Variants in SLC38A12 observed in about 807,000 individuals in gnomAD.
SLC38A12 encodes the protein putative sodium-coupled neutral amino acid transporter 12.
the SLC38A12 span, among the ~76,000 whole-genome samples, chr17:74,778,091 A>C: frequency 6.6e-6 from 1 of 152,238 alleles, no homozygotes; most frequent in South Asian, 2.1e-4. Flanking sequence ...TGGATGGCGT[A>C]AGAAGCAGCG....
At chr17:74,806,276 G>A in the SLC38A12 span, among the ~76,000 whole-genome samples, 3 of 152,148 alleles carry the variant, frequency 2.0e-5, no homozygotes, top group African/African-American at 7.2e-5. Flanking sequence ...CAGCAGTTAT[G>A]TGGCCAAGCA....
At chr17:74,831,206 G>A in the SLC38A12 span, among the ~76,000 whole-genome samples, 1 of 152,194 alleles carries the variant, frequency 6.6e-6, no homozygotes, top group African/African-American at 2.4e-5. Flanking sequence ...CAGCTAGTGT[G>A]CCTGATAACC....
the SLC38A12 span, among the ~76,000 whole-genome samples, chr17:74,780,237 A>G: frequency 6.6e-6 from 1 of 152,102 alleles, no homozygotes; most frequent in East Asian, 1.9e-4. Context: ...TCCTTTGACA[A>G]TTGTCAGAGG....
At chr17:74,802,615 T>C in the SLC38A12 span, among the ~76,000 whole-genome samples, 2 of 152,222 alleles carry the variant, frequency 1.3e-5, no homozygotes, top group East Asian at 1.9e-4. Context: ...CGTTTCTGAT[T>C]TCAGATTTTC....
the SLC38A12 span, among the ~76,000 whole-genome samples, chr17:74,790,623 A>G: frequency 6.6e-6 from 1 of 151,894 alleles, no homozygotes; most frequent in East Asian, 1.9e-4. Flanking sequence ...GCTCAAGTAG[A>G]TGTCGTTCTG....
chr17:74,788,885 C>T, the SLC38A12 span: 2 of 1,609,904 alleles, frequency 1.2e-6, no homozygotes, highest in Non-Finnish European at 1.7e-6. Flanking sequence ...GTGTGTTGCC[C>T]TCGTCTCCGG....
the SLC38A12 span, among the ~76,000 whole-genome samples, chr17:74,798,842 A>T: frequency 2.6e-5 from 4 of 151,738 alleles, no homozygotes; most frequent in African/African-American, 9.7e-5. Flanking sequence ...GCTAGGGAAC[A>T]TCTCAGGATT....
At chr17:74,824,505 A>G in the SLC38A12 span, among the ~76,000 whole-genome samples, 2 of 152,158 alleles carry the variant, frequency 1.3e-5, no homozygotes, top group Non-Finnish European at 2.9e-5. Context: ...TCATTACTTC[A>G]GTCCCATTAC....
chr17:74,817,519 G>A, the SLC38A12 span, among the ~76,000 whole-genome samples: 2 of 152,128 alleles, frequency 1.3e-5, no homozygotes, highest in East Asian at 3.9e-4. Context: ...TCATATTCCT[G>A]GTCACTCAAG....
chr17:74,836,243 C>T, the SLC38A12 span: 3 of 1,611,450 alleles, frequency 1.9e-6, no homozygotes, highest in East Asian at 2.2e-5. The surrounding 1 kb of genome is among the most constrained non-coding windows in gnomAD (Gnocchi z 4.2). Context: ...ACGTCGTGGG[C>T]CTGGCCGCTG....
At chr17:74,792,814 G>A in the SLC38A12 span, among the ~76,000 whole-genome samples, 2 of 152,202 alleles carry the variant, frequency 1.3e-5, no homozygotes, top group East Asian at 3.9e-4. Context: ...TCAGAATTCA[G>A]CAAAACCAAC....
chr17:74,827,717 C>T, the SLC38A12 span, among the ~76,000 whole-genome samples: 1 of 152,190 alleles, frequency 6.6e-6, no homozygotes, highest in Non-Finnish European at 1.5e-5. This position sits in a 1 kb window ranked among gnomAD's most constrained non-coding sequence, Gnocchi z 4.7. Flanking sequence ...GTCCTAGTGT[C>T]GCTCACACCT....
chr17:74,831,004 G>A, the SLC38A12 span, among the ~76,000 whole-genome samples: 7 of 152,168 alleles, frequency 4.6e-5, no homozygotes, highest in Non-Finnish European at 1.0e-4. Flanking sequence ...CCCCCTCCTC[G>A]TCTCTACCCC....
chr17:74,819,117 G>C, the SLC38A12 span, among the ~76,000 whole-genome samples: 3 of 152,222 alleles, frequency 2.0e-5, no homozygotes, highest in Non-Finnish European at 4.4e-5. Context: ...CCTAGATGCA[G>C]CTCCTTTCCT....
At chr17:74,807,600 G>A in the SLC38A12 span, among the ~76,000 whole-genome samples, 2 of 152,226 alleles carry the variant, frequency 1.3e-5, no homozygotes, top group Non-Finnish European at 2.9e-5. Flanking sequence ...GCCAGGACAA[G>A]CTTCCCCTCC....
At chr17:74,835,971 G>A in the SLC38A12 span, 38 of 1,611,560 alleles carry the variant, frequency 2.4e-5, no homozygotes, top group Middle Eastern at 1.6e-4. Flanking sequence ...CATCGGGCAC[G>A]GACAAGGGGA....
chr17:74,797,170 T>C, the SLC38A12 span, among the ~76,000 whole-genome samples: 21 of 152,232 alleles, frequency 1.4e-4, no homozygotes, highest in Non-Finnish European at 2.9e-4. Flanking sequence ...GCCATTTGCC[T>C]GATAAATTAT....
chr17:74,820,523 A>G, the SLC38A12 span, among the ~76,000 whole-genome samples: 1 of 152,228 alleles, frequency 6.6e-6, no homozygotes, highest in Non-Finnish European at 1.5e-5. Flanking sequence ...CTGCCGATCC[A>G]CCTGGACGGA....
chr17:74,795,125 TG>T, the SLC38A12 span: 2 of 1,612,912 alleles, frequency 1.2e-6, no homozygotes, highest in Non-Finnish European at 1.7e-6. Flanking sequence ...AGTACCCTCC[TG>T]GCCCCCAGGT....
Sources: gnomAD v4.1 joint callset for allele counts (sites outside exome capture counted in the v4.1 genomes callset) on GRCh38, gnomAD v4.1.1 for gene constraint, Gnocchi (gnomAD v3.1) non-coding constraint, MANE v1.5 for transcripts, NCBI Gene and HGNC (gene_info 2026-07-23, HGNC 2026-07-21) for gene names.